THADA: variants seen among roughly 807,000 people sequenced by gnomAD.
THADA encodes the protein THADA armadillo repeat containing.
Under a neutral mutation model 219.8 loss-of-function variants are expected in THADA, and 213 were observed. The ratio of observed to expected loss-of-function variants is 0.97; its 90% CI spans 0.87 to 1.09. The LOEUF is 1.09. THADA is among the 50% of genes least tolerant of loss of function. The pLI, the probability that THADA is intolerant of heterozygous loss-of-function variation, is 0.00. For synonymous variants in THADA, 1,018 were observed against 828.9 expected (o/e 1.23, Z -3.92); for missense variants, 2,956 against 2,311.3 (o/e 1.28, Z -5.72).
chr2:43,517,480 A>G (rs1461859951), intron 22 of THADA, among the ~76,000 whole-genome samples: 2 of 152,200 alleles, frequency 1.3e-5, no homozygotes, highest in African/African-American at 2.4e-5. Flanking sequence ...TTACTTACAA[A>G]GCACAAGAAG....
chr2:43,323,118 T>C (rs1678937970), intron 30 of THADA, among the ~76,000 whole-genome samples: 2 of 152,072 alleles, frequency 1.3e-5, no homozygotes, highest in Non-Finnish European at 2.9e-5. Flanking sequence ...CATAGAGATT[T>C]GCCTCATTTT....
At chr2:43,242,166 A>G (rs1477287298) in intron 36 of THADA, among the ~76,000 whole-genome samples, 1 of 152,216 alleles carries the variant, frequency 6.6e-6, no homozygotes, top group African/African-American at 2.4e-5. Flanking sequence ...GGGGCACTTC[A>G]TGGCTGAACC....
At position 43,502,539 on chromosome 2, in the gene THADA, C is replaced by T. The variant is rs543810075; in HGVS notation, c.3621+3083G>A. The stretch of plus-strand genomic sequence containing the variant: ...GGCAGAGGTTGCAGTGAGCTGAGAT[C>T]GTGCCACTGCCCTCCAGCCTAGGCC... On this transcript the variant is annotated intron_variant, in intron 24 of 37. Transcript: ENST00000405975. Among the ~76,000 whole-genome samples, 13 of 145,148 alleles carry T rather than the reference C, an allele frequency of 9.0e-5. No homozygotes were observed. The South Asian group carries it at 1.7e-3, about 19-fold the overall frequency.
At chr2:43,592,564 C>T in intron 1 of THADA, 148 bp from the exon 2 acceptor site, 1 of 495,904 alleles carries the variant, frequency 2.0e-6, no homozygotes, top group Non-Finnish European at 3.5e-6. Context: ...ATGCCAGTGG[C>T]ACCCTCCTCC....
intron 30 of THADA, among the ~76,000 whole-genome samples, chr2:43,341,403 A>T (rs1329685833): frequency 6.6e-6 from 1 of 152,174 alleles, no homozygotes; most frequent in Non-Finnish European, 1.5e-5. Flanking sequence ...AAACAGCAAT[A>T]GGGACCACAG....
chr2:43,460,166 G>C (rs1383238292), intron 26 of THADA, among the ~76,000 whole-genome samples: 1 of 119,786 alleles, frequency 8.3e-6, no homozygotes, highest in Non-Finnish European at 1.6e-5. Flanking sequence ...TTAAAGTCAA[G>C]AAAGTAAACA....
chr2:43,310,222 T>TTTTCC (rs1366706553), intron 31 of THADA, among the ~76,000 whole-genome samples: 1 of 64,498 alleles, frequency 1.6e-5, no homozygotes, highest in African/African-American at 6.0e-5. Flanking sequence ...TCCCTCCCTT[T>TTTTCC]CCCGCCCCCC....
intron 17 of THADA, among the ~76,000 whole-genome samples, chr2:43,555,505 G>C (rs1253994435): frequency 6.6e-6 from 1 of 151,890 alleles, no homozygotes; most frequent in East Asian, 1.9e-4. Context: ...TTTATGTGAA[G>C]CATGCATTCC....
intron 31 of THADA, among the ~76,000 whole-genome samples, chr2:43,302,505 G>T (rs1372935233): frequency 2.0e-5 from 3 of 151,450 alleles, no homozygotes; most frequent in Admixed American, 6.6e-5. Context: ...GCCTTCAAGG[G>T]AATGGCTGAA....
At chr2:43,318,210 A>C (rs1409330293) in intron 31 of THADA, among the ~76,000 whole-genome samples, 2 of 151,360 alleles carry the variant, frequency 1.3e-5, no homozygotes, top group Admixed American at 6.6e-5. Flanking sequence ...TGGCTAATTA[A>C]ATTTTTTTTT....
intron 22 of THADA, among the ~76,000 whole-genome samples, chr2:43,510,996 A>C (rs1228414895): frequency 6.6e-5 from 10 of 152,014 alleles, no homozygotes; most frequent in Non-Finnish European, 1.5e-5. Context: ...AATTTAAAAA[A>C]AAAAAAGCAA....
intron 11 of THADA, among the ~76,000 whole-genome samples, chr2:43,573,611 T>C (rs1442524619): frequency 1.3e-5 from 2 of 152,258 alleles, no homozygotes; most frequent in Non-Finnish European, 2.9e-5. Flanking sequence ...TATTTTTGCA[T>C]ACAGGAATCA....
intron 30 of THADA, among the ~76,000 whole-genome samples, chr2:43,326,638 C>A (rs1679371768): frequency 6.6e-6 from 1 of 152,106 alleles, no homozygotes; most frequent in South Asian, 2.1e-4. Context: ...GAAAGATGGC[C>A]AGTGGGATTA....
chr2:43,273,072 A>G (rs998978563), intron 36 of THADA, among the ~76,000 whole-genome samples: 2 of 152,086 alleles, frequency 1.3e-5, no homozygotes, highest in Non-Finnish European at 2.9e-5. Flanking sequence ...AACATGTAGT[A>G]GCCCCATCTC....
At chr2:43,376,325 C>T (rs1293646722) in intron 29 of THADA, among the ~76,000 whole-genome samples, 1 of 152,150 alleles carries the variant, frequency 6.6e-6, no homozygotes, top group Non-Finnish European at 1.5e-5. Flanking sequence ...AAACAGAGAA[C>T]CATCTGCTCT....
intron 36 of THADA, among the ~76,000 whole-genome samples, chr2:43,255,532 GA>G (rs1373952098): frequency 2.6e-5 from 4 of 152,190 alleles, no homozygotes; most frequent in Non-Finnish European, 5.9e-5. Flanking sequence ...GGATTAAACA[GA>G]ACTTCAAGGT....
At chr2:43,581,186 T>C (rs1700401039) in intron 8 of THADA, among the ~76,000 whole-genome samples, 1 of 151,940 alleles carries the variant, frequency 6.6e-6, no homozygotes, top group African/African-American at 2.4e-5. Flanking sequence ...CTTAATAAAT[T>C]ATTAAAAAGT....
chr2:43,474,507 C>T (rs1486275678), intron 26 of THADA, among the ~76,000 whole-genome samples: 1 of 152,216 alleles, frequency 6.6e-6, no homozygotes, highest in Non-Finnish European at 1.5e-5. Context: ...TTATAAATGT[C>T]TGTACTCCCC....
At chr2:43,367,533 T>C (rs550509015) in intron 29 of THADA, among the ~76,000 whole-genome samples, 1 of 152,326 alleles carries the variant, frequency 6.6e-6, no homozygotes, top group Non-Finnish European at 1.5e-5. Context: ...CCTGCATTAA[T>C]TAAATGTTCT....
Sources: gnomAD v4.1 joint callset for allele counts (sites outside exome capture counted in the v4.1 genomes callset) on GRCh38, gnomAD v4.1.1 for gene constraint, MANE v1.5 for transcripts, NCBI Gene and HGNC (gene_info 2026-07-23, HGNC 2026-07-21) for gene names.